ZNF704: variants seen among roughly 807,000 people sequenced by gnomAD.
ZNF704 encodes the protein glucocorticoid induced gene 1.
ZNF704 carries 10 observed loss-of-function variants against 44.7 expected under a neutral mutation model. The ratio of observed to expected loss-of-function variants is 0.22; its 90% CI spans 0.14 to 0.38. The LOEUF is 0.38. Ranked by LOEUF, ZNF704 falls within the 10% of genes least tolerant of loss-of-function variation. The probability of loss-of-function intolerance (pLI) is 1.00; values close to 1 mark genes in which losing one functional copy is unlikely to be tolerated. For missense variants in ZNF704, 390 were observed against 545.5 expected, an observed-to-expected ratio of 0.71 and a Z score of 2.84; for synonymous variants, 211 against 207.6, an observed-to-expected ratio of 1.02 and a Z score of -0.14.
Position 80,639,629 on chromosome 8 carries a change from G to A in ZNF704, c.*1737C>T, listed in dbSNP as rs921126349. ...GTAATTTTAAAAAATTTATATGAGA[G>A]TTTAAAAAATAAAAGTCCCATAATA... is the stretch of plus-strand genomic sequence containing the variant. On this transcript the variant is annotated 3_prime_UTR_variant, in exon 9 of 9. Transcript: ENST00000327835. 1.3e-5 allele frequency: 2 copies of A among 152,156 alleles called. No homozygotes were observed. The highest frequency in any genetic ancestry group is 2.9e-5 in the Non-Finnish European group (2 of 68,000). The allele number at this position is 152,156 out of a possible 1,614,324, so 9.4% of individuals were successfully genotyped here.
At chr8:80,649,598 G>A (rs1817883033) in intron 7 of ZNF704, among the ~76,000 whole-genome samples, 2 of 152,204 alleles carry the variant, frequency 1.3e-5, no homozygotes, top group Non-Finnish European at 2.9e-5. Flanking sequence ...AAACTGCAAG[G>A]TGGCAGTGAG....
At position 80,732,409 on chromosome 8, in the gene ZNF704, GTGCCACTT is replaced by G. The variant is rs1453832631; in HGVS notation, c.222-39310_222-39303del. On this transcript the variant is annotated intron_variant, in intron 2 of 8. Transcript: ENST00000327835. ...AATAGAATATGGCAGAAGCAACAGT[GTGCCACTT>G]TTGAGGCTTGGCTGCCAAAGACCTT... Among the ~76,000 whole-genome samples, 4 of 152,198 alleles carry G rather than the reference GTGCCACTT, an allele frequency of 2.6e-5. No individual in the cohort carries two copies. The East Asian group carries it at 5.8e-4, about 22-fold the overall frequency.
At chr8:80,746,095 T>C (rs1449789434) in intron 2 of ZNF704, among the ~76,000 whole-genome samples, 1 of 152,210 alleles carries the variant, frequency 6.6e-6, no homozygotes, top group East Asian at 1.9e-4. Context: ...TAAACAAATG[T>C]CTACTTTATG....
chr8:80,814,670 A>G (rs1030073554), intron 2 of ZNF704, among the ~76,000 whole-genome samples: 1 of 152,180 alleles, frequency 6.6e-6, no homozygotes, highest in Non-Finnish European at 1.5e-5. Context: ...CTCAAAATCT[A>G]TTTTTTAAAA....
intron 8 of ZNF704, among the ~76,000 whole-genome samples, chr8:80,642,822 A>G (rs185815711): frequency 2.6e-3 from 389 of 152,356 alleles, no homozygotes; most frequent in African/African-American, 9.0e-3. Flanking sequence ...AAAAACAAAA[A>G]ACAAAAACCT....
Position 80,791,326 on chromosome 8 carries a change from G to C in ZNF704, c.221+30048C>G, listed in dbSNP as rs189211207. Among the ~76,000 whole-genome samples, 3 of 152,346 alleles carry C rather than the reference G, an allele frequency of 2.0e-5. No individual in the cohort carries two copies. In the East Asian group the frequency reaches 5.8e-4, roughly 29 times the overall value. On this transcript the variant is annotated intron_variant, in intron 2 of 8. Coordinates refer to ENST00000327835, the MANE Select transcript of ZNF704 (RefSeq NM_001033723.3). ...GAGGTGGAGTGATAGTGTATCACTA[G>C]CCATCCCTGTCCCTGCAGATCCTTA...
rs188528825 is a variant in ZNF704 at position 80,640,160 on chromosome 8, T to A, written c.*1206A>T. 1 of 152,674 alleles carries A rather than the reference T, an allele frequency of 6.5e-6. No homozygotes were observed. The highest frequency in any genetic ancestry group is 6.5e-5 in the Admixed American group (1 of 15,288). The allele number at this position is 152,674 out of a possible 1,614,324, so 9.5% of individuals were successfully genotyped here. A position where few individuals can be genotyped will look rare whatever the true frequency, so the allele number is the denominator to read the frequency against. Reference sequence around the variant, plus strand: ...ATTCTTAAATGAATAGCTCCAATATTTTTATAAGAAAAACTTAAAGTTTGG... The same window carrying A: ...ATTCTTAAATGAATAGCTCCAATATATTTATAAGAAAAACTTAAAGTTTGG... On this transcript the variant is annotated 3_prime_UTR_variant, in exon 9 of 9. Coordinates refer to ENST00000327835, the MANE Select transcript of ZNF704 (RefSeq NM_001033723.3).
intron 1 of ZNF704, among the ~76,000 whole-genome samples, chr8:80,823,405 G>C (rs1171790629): frequency 6.6e-6 from 1 of 152,228 alleles, no homozygotes; most frequent in African/African-American, 2.4e-5. Flanking sequence ...GCTTGAGTAG[G>C]TAAGCACAAC....
At chr8:80,663,155 G>A (rs1469269755) in intron 6 of ZNF704, among the ~76,000 whole-genome samples, 1 of 152,118 alleles carries the variant, frequency 6.6e-6, no homozygotes, top group Non-Finnish European at 1.5e-5. Context: ...CAACATGGGA[G>A]GACTGCTTGA....
intron 4 of ZNF704, among the ~76,000 whole-genome samples, chr8:80,683,806 T>C (rs1335568353): frequency 6.6e-6 from 1 of 152,246 alleles, no homozygotes; most frequent in Non-Finnish European, 1.5e-5. Context: ...GCCTTGTCTA[T>C]GCAGTGTATC....
At chr8:80,817,272 T>TA (rs1400846402) in intron 2 of ZNF704, among the ~76,000 whole-genome samples, 1 of 152,164 alleles carries the variant, frequency 6.6e-6, no homozygotes, top group African/African-American at 2.4e-5. Context: ...AACAGGGAGC[T>TA]AACTGACCAA....
the ZNF704 span, among the ~76,000 whole-genome samples, chr8:80,884,240 A>C: frequency 6.6e-6 from 1 of 152,232 alleles, no homozygotes; most frequent in African/African-American, 2.4e-5. Flanking sequence ...TGCAAGAAAG[A>C]AGGAGGGCTG....
intron 1 of ZNF704, among the ~76,000 whole-genome samples, chr8:80,836,291 A>G (rs1047396006): frequency 3.3e-5 from 5 of 152,072 alleles, no homozygotes; most frequent in African/African-American, 1.2e-4. Context: ...CCCTGCATCC[A>G]GGCCTTTTTA....
chr8:80,683,382 T>C (rs970637232), intron 4 of ZNF704, among the ~76,000 whole-genome samples: 1 of 152,180 alleles, frequency 6.6e-6, no homozygotes, highest in African/African-American at 2.4e-5. Flanking sequence ...AAGTAAGCTC[T>C]CCGGCAGACA....
At chr8:80,841,954 A>G (rs1430061607) in intron 1 of ZNF704, among the ~76,000 whole-genome samples, 1 of 152,068 alleles carries the variant, frequency 6.6e-6, no homozygotes, top group Non-Finnish European at 1.5e-5. Flanking sequence ...CTCCTTGTTT[A>G]GTTTTTTAAT....
the ZNF704 span, among the ~76,000 whole-genome samples, chr8:80,881,466 A>T: frequency 3.2e-4 from 49 of 152,278 alleles, no homozygotes; most frequent in Admixed American, 1.0e-3. Flanking sequence ...CACCCTACAA[A>T]ATATACTATA....
intron 1 of ZNF704, among the ~76,000 whole-genome samples, chr8:80,855,815 G>C (rs927892325): frequency 4.6e-5 from 7 of 152,152 alleles, no homozygotes; most frequent in Non-Finnish European, 1.0e-4. Flanking sequence ...TAGCAGAGAA[G>C]TTCAACCTCC....
intron 2 of ZNF704, among the ~76,000 whole-genome samples, chr8:80,770,990 TGA>T (rs1807310307): frequency 6.6e-6 from 1 of 152,206 alleles, no homozygotes; most frequent in African/African-American, 2.4e-5. Context: ...TTTCTTGCAC[TGA>T]GTTTCTTTTA....
chr8:80,695,947 A>G (rs1284357400), intron 2 of ZNF704, among the ~76,000 whole-genome samples: 1 of 152,228 alleles, frequency 6.6e-6, no homozygotes, highest in Admixed American at 6.5e-5. Context: ...TGCATTTCTC[A>G]GGGAATATTT....
Sources: allele counts gnomAD v4.1 joint callset (sites outside exome capture counted in the v4.1 genomes callset), GRCh38; gene constraint gnomAD v4.1.1; transcripts MANE v1.5; gene names NCBI Gene and HGNC (gene_info 2026-07-23, HGNC 2026-07-21).